Variants in PCDHGA6 observed in about 807,000 individuals in gnomAD.
PCDHGA6 encodes the protein protocadherin gamma-A6.
PCDHGA6 carries 41 observed loss-of-function variants against 60.6 expected under a neutral mutation model. That is an observed-to-expected ratio of 0.68 (90% CI 0.53 to 0.88). The LOEUF (loss-of-function observed/expected upper bound fraction) is 0.88. PCDHGA6 is among the 40% of genes least tolerant of loss of function. The pLI is 0.00. For missense variants in PCDHGA6, 1,312 were observed against 1,203.0 expected (o/e 1.09, Z -1.34); for synonymous variants, 594 against 524.4 (o/e 1.13, Z -1.81).
chr5:141,413,533 C>T (rs777022301), intron 1 of PCDHGA6: 1 of 1,613,934 alleles, frequency 6.2e-7, no homozygotes, highest in Admixed American at 1.7e-5. Context: ...CAGGGTGAAA[C>T]TTTTTGGGAT....
chr5:141,395,538 TTGTTTGTGTG>T, intron 1 of PCDHGA6: 1 of 225,786 alleles, frequency 4.4e-6, no homozygotes, highest in Non-Finnish European at 7.1e-6. Context: ...AATTTTGCTA[TTGTTTGTGTG>T]TGTGTGTGTG....
At chr5:141,399,475 C>T (rs1561669837) in intron 1 of PCDHGA6, 1 of 1,614,022 alleles carries the variant, frequency 6.2e-7, no homozygotes. Context: ...GGTTTTCCAC[C>T]AGGCGTCCTA....
intron 1 of PCDHGA6, chr5:141,426,340 C>A: frequency 5.3e-6 from 1 of 190,288 alleles, no homozygotes; most frequent in Non-Finnish European, 1.1e-5. Flanking sequence ...AGCACTCTTC[C>A]CTTTCCTGCT....
chr5:141,394,263 A>C lies in PCDHGA6; in HGVS notation c.2424+17756A>C, dbSNP rs745926581. The C allele has an allele frequency of 2.5e-6, 4 of 1,613,766 alleles. No homozygotes were observed. In the African/African-American group the frequency reaches 5.3e-5, roughly 22 times the overall value. On this transcript the variant is annotated intron_variant, in intron 1 of 3. Coordinates refer to ENST00000517434, the MANE Select transcript of PCDHGA6 (RefSeq NM_018919.3). ...TGCACACGACCCCGACAGCCAGGAG[A>C]ATGCCCAGGTCACTTACTCTGTGAC...
Position 141,486,970 on chromosome 5 carries a change from T to G in PCDHGA6, c.2425-7837T>G, listed in dbSNP as rs754309905. 1 of 1,614,050 alleles carries G rather than the reference T, an allele frequency of 6.2e-7. No individual in the cohort carries two copies. Among genetic ancestry groups the G allele is most frequent in the African/African-American group, 1.3e-5 (1 of 74,904 alleles). ...CAAAGGTGACTGCTGTGGACTTGGATTCAGGTTACAATGCTTGGGTTTCCT... is the reference window on the plus strand; with the variant it reads ...CAAAGGTGACTGCTGTGGACTTGGAGTCAGGTTACAATGCTTGGGTTTCCT... On this transcript the variant is annotated intron_variant, in intron 1 of 3. Coordinates refer to ENST00000517434, the MANE Select transcript of PCDHGA6 (RefSeq NM_018919.3). This position sits in a 1 kb window ranked among gnomAD's most constrained non-coding sequence, Gnocchi z 5.0.
At chr5:141,424,080 C>T (rs2096798143) in intron 1 of PCDHGA6, 1 of 970,378 alleles carries the variant, frequency 1.0e-6, no homozygotes, top group Admixed American at 6.0e-5. Context: ...AGTTATATTC[C>T]ACCATTATTT....
rs765376157 is a variant in PCDHGA6 at position 141,486,033 on chromosome 5, A to G, written c.2425-8774A>G. 4.3e-6 allele frequency: 7 copies of G among 1,614,148 alleles called. No individual in the cohort carries two copies. The highest frequency in any genetic ancestry group is 5.9e-6 in the Non-Finnish European group (7 of 1,180,014). ...TTTTATTTCAGTGGTCATACCCCTG[A>G]TCGTGTAAGAAACCTCTTTAGCCTG... On this transcript the variant is annotated intron_variant, in intron 1 of 3. Transcript: ENST00000517434. This position sits in a 1 kb window ranked among gnomAD's most constrained non-coding sequence, Gnocchi z 5.0.
Position 141,375,421 on chromosome 5 carries a change from C to A in PCDHGA6, c.1338C>A (p.Asn446Lys). 1 of 1,613,998 alleles carries A rather than the reference C, an allele frequency of 6.2e-7. No homozygotes were observed. Among genetic ancestry groups the A allele is most frequent in the African/African-American group, 1.3e-5 (1 of 75,070 alleles). Residue 446 changes from asparagine (N) to lysine (K), a missense_variant, in exon 1 of 4, where the codon AAC becomes AAA. Coordinates refer to ENST00000517434, the MANE Select transcript of PCDHGA6 (RefSeq NM_018919.3). The stretch of plus-strand genomic sequence containing the variant: ...TCTCTCTAAATGTGGCAGACACCAA[C>A]GACAACCCGCCCACCTTCCCCCATT... Reference protein sequence around the residue: ...TIISLNVADTNDNPPTFPHSS... With the variant: ...TIISLNVADTKDNPPTFPHSS...
Position 141,432,044 on chromosome 5 carries a change from A to T in PCDHGA6, c.2424+55537A>T. 6.2e-7 allele frequency: 1 copy of T among 1,613,886 alleles called. No individual in the cohort carries two copies. Among genetic ancestry groups the T allele is most frequent in the Non-Finnish European group, 8.5e-7 (1 of 1,179,922 alleles). ...CACAGTGACCGCCACTGACCGGGGA[A>T]CCCCGCCCCTATCCACGGAAACTCA... On this transcript the variant is annotated intron_variant, in intron 1 of 3. Coordinates refer to ENST00000517434, the MANE Select transcript of PCDHGA6 (RefSeq NM_018919.3). This position sits in a 1 kb window ranked among gnomAD's most constrained non-coding sequence, Gnocchi z 6.0.
At chr5:141,427,365 TG>T (rs1391779401) in intron 1 of PCDHGA6, 2 of 457,804 alleles carry the variant, frequency 4.4e-6, no homozygotes, top group Non-Finnish European at 8.8e-6. Flanking sequence ...CGCAGAACCC[TG>T]GACGGTGATC....
At chr5:141,382,922 G>A (rs760288273) in intron 1 of PCDHGA6, 35 of 1,561,514 alleles carry the variant, frequency 2.2e-5, no homozygotes, top group Non-Finnish European at 2.9e-5. Context: ...CCGAGGGGCG[G>A]GGACTACAGA....
intron 1 of PCDHGA6, chr5:141,394,974 A>T: frequency 6.2e-7 from 1 of 1,613,852 alleles, no homozygotes; most frequent in Non-Finnish European, 8.5e-7. Context: ...GCGCTGGCAC[A>T]AGTCACGCCT....
chr5:141,488,705 G>T (rs1024064135), intron 1 of PCDHGA6, among the ~76,000 whole-genome samples: 1 of 152,200 alleles, frequency 6.6e-6, no homozygotes, highest in Non-Finnish European at 1.5e-5. Context: ...AGATTTTGCT[G>T]GTTCAAGCAA....
Position 141,486,886 on chromosome 5 carries a change from G to A in PCDHGA6, c.2425-7921G>A. The A allele has an allele frequency of 1.9e-6, 3 of 1,614,222 alleles. No individual in the cohort carries two copies. The highest frequency in any genetic ancestry group is 2.5e-6 in the Non-Finnish European group (3 of 1,180,044). ...CAGCTGTGCTCCGTCCTCGGGCCCGGCCTGGTTCCTTATGTCCCCAAGCAC... is the reference window on the plus strand; with the variant it reads ...CAGCTGTGCTCCGTCCTCGGGCCCGACCTGGTTCCTTATGTCCCCAAGCAC... On this transcript the variant is annotated intron_variant, in intron 1 of 3. Coordinates refer to ENST00000517434, the MANE Select transcript of PCDHGA6 (RefSeq NM_018919.3). This position sits in a 1 kb window ranked among gnomAD's most constrained non-coding sequence, Gnocchi z 5.0.
intron 1 of PCDHGA6, among the ~76,000 whole-genome samples, chr5:141,453,490 G>A (rs921556476): frequency 6.6e-6 from 1 of 151,922 alleles, no homozygotes; most frequent in Admixed American, 6.6e-5. Flanking sequence ...TTAAAAAAAG[G>A]TGTACTCAGA....
chr5:141,475,550 T>G (rs2099365082), intron 1 of PCDHGA6, among the ~76,000 whole-genome samples: 1 of 152,246 alleles, frequency 6.6e-6, no homozygotes, highest in Non-Finnish European at 1.5e-5. Flanking sequence ...AGGGTCCGGC[T>G]AATTGTCTGT....
In PCDHGA6 at chr5:141,489,375, G is replaced by A. The variant is rs768190252; in HGVS notation, c.2425-5432G>A. The A allele has an allele frequency of 1.2e-5, 19 of 1,613,826 alleles. No individual in the cohort carries two copies. The Admixed American group carries it at 3.2e-4, about 27-fold the overall frequency. ...AGGAGTCTGAGCCGGGGACGCTGGT[G>A]GGGAATGTTGCTCAGGATCTGGGCT... On this transcript the variant is annotated intron_variant, in intron 1 of 3. Transcript: ENST00000517434. The surrounding 1 kb of genome is among the most constrained non-coding windows in gnomAD (Gnocchi z 4.5).
intron 1 of PCDHGA6, among the ~76,000 whole-genome samples, chr5:141,443,594 T>C (rs1040469046): frequency 1.3e-5 from 2 of 152,234 alleles, no homozygotes; most frequent in Non-Finnish European, 2.9e-5. Flanking sequence ...CAGAATGTGG[T>C]ATATGAAATG....
rs756604175 is a variant in PCDHGA6 at position 141,375,747 on chromosome 5, A to C, written c.1664A>C (p.Gln555Pro). 30 of 1,614,128 alleles carry C rather than the reference A, an allele frequency of 1.9e-5. No homozygotes were observed. The Admixed American group carries it at 5.0e-4, about 27-fold the overall frequency. ...TCACTGAGCCTGTTTGTGCTGGACC[A>C]GAATGACAATGCGCCCGAGATCCTG... is the stretch of plus-strand genomic sequence containing the variant. ...NVSLSLFVLD[Q>P]NDNAPEILYP... is the part of the protein sequence containing the mutation. Residue 555 changes from glutamine to proline, a missense_variant, in exon 1 of 4, where the codon CAG (glutamine) becomes CCG (proline). Transcript: ENST00000517434.
Sources: allele counts gnomAD v4.1 joint callset (sites outside exome capture counted in the v4.1 genomes callset), GRCh38; gene constraint gnomAD v4.1.1; non-coding constraint Gnocchi (gnomAD v3.1); transcripts MANE v1.5; gene names NCBI Gene and HGNC (gene_info 2026-07-23, HGNC 2026-07-21).